The following KLHL12 variants were observed in gnomAD, a reference collection of about 807,000 sequenced individuals.
The protein encoded by KLHL12 is kelch like family member 12.
A neutral mutation model predicts 60.8 loss-of-function variants in KLHL12; 17 were observed. The observed-to-expected ratio is 0.28, with a 90% confidence interval of 0.19 to 0.42. The LOEUF is 0.42. Among genes scored for constraint, KLHL12 ranks in the 10% least tolerant of loss-of-function variants. The pLI, the probability that KLHL12 is intolerant of heterozygous loss-of-function variation, is 1.00. For missense variants in KLHL12, 468 were observed against 722.3 expected (o/e 0.65, Z 4.04); for synonymous variants, 220 against 250.9 (o/e 0.88, Z 1.16).
chr1:202,924,037 A>AT (rs1653380978), intron 2 of KLHL12, among the ~76,000 whole-genome samples: 1 of 152,208 alleles, frequency 6.6e-6, no homozygotes, highest in African/African-American at 2.4e-5. Context: ...ATCTGCTCTT[A>AT]AAATGAGACT....
intron 6 of KLHL12, among the ~76,000 whole-genome samples, chr1:202,904,693 AT>A (rs1289100661): frequency 1.3e-5 from 2 of 152,182 alleles, no homozygotes; most frequent in African/African-American, 4.8e-5. Context: ...TGGCAGTGGC[AT>A]GGTCATTATT....
intron 2 of KLHL12, among the ~76,000 whole-genome samples, chr1:202,920,600 T>C (rs1660664016): frequency 6.6e-6 from 1 of 151,796 alleles, no homozygotes; most frequent in Non-Finnish European, 1.5e-5. Flanking sequence ...ATGGTCTCGA[T>C]CTCCTCACCT....
chr1:202,914,307 G>A (rs1040750508), intron 4 of KLHL12, among the ~76,000 whole-genome samples: 2 of 152,178 alleles, frequency 1.3e-5, no homozygotes, highest in Non-Finnish European at 2.9e-5. Flanking sequence ...AAAAGGTGAC[G>A]GTGCTTACTG....
intron 6 of KLHL12, among the ~76,000 whole-genome samples, chr1:202,908,449 G>T (rs773671503): frequency 6.6e-6 from 1 of 152,152 alleles, no homozygotes; most frequent in Non-Finnish European, 1.5e-5. Flanking sequence ...CAGGTGCTAC[G>T]ATGATTCCAT....
chr1:202,921,710 A>G (rs1325791862), intron 2 of KLHL12, among the ~76,000 whole-genome samples: 2 of 152,240 alleles, frequency 1.3e-5, no homozygotes, highest in Non-Finnish European at 2.9e-5. Context: ...AAGAGAAGAA[A>G]TCTTCAATTT....
chr1:202,916,274 A>G (rs559054871), intron 4 of KLHL12, among the ~76,000 whole-genome samples: 35 of 152,372 alleles, frequency 2.3e-4, no homozygotes, highest in African/African-American at 8.2e-4. Context: ...GTTGGAACCA[A>G]TGTGACCAAT....
At chr1:202,918,429 A>G in intron 3 of KLHL12, 41 bp from the exon 4 acceptor site, 1 of 1,467,960 alleles carries the variant, frequency 6.8e-7, no homozygotes, top group Non-Finnish European at 9.5e-7. Flanking sequence ...GAATAGTTGG[A>G]CAGGTGTGAT....
chr1:202,895,492 G>C lies in KLHL12; in HGVS notation c.1135+30C>G. ...AACCCTGGTCCAGCCACAGTAAGAT[G>C]GAAATAATTGCCCTGCACATCCAGC... On this transcript the variant is annotated intron_variant, in intron 8 of 11. Transcript: ENST00000367261. This position sits in a 1 kb window ranked among gnomAD's most constrained non-coding sequence, Gnocchi z 4.2. 6.3e-7 allele frequency: 1 copy of C among 1,594,336 alleles called. No homozygotes were observed. The highest frequency in any genetic ancestry group is 8.6e-7 in the Non-Finnish European group (1 of 1,168,204).
intron 6 of KLHL12, among the ~76,000 whole-genome samples, chr1:202,899,940 G>A (rs1571518634): frequency 6.6e-6 from 1 of 152,012 alleles, no homozygotes. Context: ...GTTGGGAGAA[G>A]CTAGGACCAC....
intron 6 of KLHL12, among the ~76,000 whole-genome samples, chr1:202,901,562 AAAG>A (rs1487034850): frequency 6.6e-6 from 1 of 151,934 alleles, no homozygotes; most frequent in Admixed American, 6.6e-5. Flanking sequence ...TCGGCCTCCC[AAAG>A]TGCTGGGATT....
chr1:202,892,491 C>G lies in KLHL12; in HGVS notation c.*42G>C, dbSNP rs1476988686. ...ATTTTTGATTCTCCCACTAACTGTCCACTGGACTGGTCACTAGCTCTGGAT... is the reference window on the plus strand; with the variant it reads ...ATTTTTGATTCTCCCACTAACTGTCGACTGGACTGGTCACTAGCTCTGGAT... On this transcript the variant is annotated 3_prime_UTR_variant, in exon 12 of 12. Transcript: ENST00000367261. 6.2e-7 allele frequency: 1 copy of G among 1,605,392 alleles called. No homozygotes were observed. The highest frequency in any genetic ancestry group is 8.5e-7 in the Non-Finnish European group (1 of 1,174,394).
intron 6 of KLHL12, among the ~76,000 whole-genome samples, chr1:202,901,079 G>C (rs1367215631): frequency 6.6e-6 from 1 of 152,094 alleles, no homozygotes; most frequent in Non-Finnish European, 1.5e-5. Context: ...TCTCTTTCTT[G>C]ATATGATTTC....
intron 6 of KLHL12, among the ~76,000 whole-genome samples, chr1:202,902,983 C>T (rs185971663): frequency 9.2e-5 from 14 of 151,524 alleles, no homozygotes; most frequent in Admixed American, 8.6e-4. Flanking sequence ...CACAGTGAGA[C>T]CTTGTATCAA....
intron 4 of KLHL12, among the ~76,000 whole-genome samples, chr1:202,917,658 ATTCTTCT>A (rs986425932): frequency 1.3e-5 from 2 of 152,152 alleles, no homozygotes; most frequent in African/African-American, 4.8e-5. Flanking sequence ...GCAAAGGTTT[ATTCTTCT>A]TTCTTCTATG....
chr1:202,892,777 T>C (rs1659717357), intron 11 of KLHL12, 118 bp from the exon 12 acceptor site: 7 of 1,027,334 alleles, frequency 6.8e-6, no homozygotes, highest in South Asian at 1.6e-5. Context: ...AGGAGGGAAT[T>C]TGAGACCAGC....
At chr1:202,905,863 G>A (rs1368811325) in intron 6 of KLHL12, among the ~76,000 whole-genome samples, 1 of 151,480 alleles carries the variant, frequency 6.6e-6, no homozygotes, top group Admixed American at 6.6e-5. Context: ...GGAGTGCAGT[G>A]GCGTGATCTC....
At chr1:202,928,421 G>A (rs1653727688), upstream of KLHL12, 3 of 1,038,950 alleles carry the variant, frequency 2.9e-6, no homozygotes, top group Admixed American at 7.0e-5. Context: ...AGGCAGGGCA[G>A]GCAGAGAGAA....
chr1:202,927,079 C>T lies in KLHL12; in HGVS notation c.-46+10G>A, dbSNP rs1653606418. The T allele has an allele frequency of 1.0e-6, 1 of 985,520 alleles. No individual in the cohort carries two copies. Among genetic ancestry groups the T allele is most frequent in the Non-Finnish European group, 1.2e-6 (1 of 830,028 alleles). 61.0% of individuals were successfully genotyped at this position (985,520 alleles called of 1,614,324 possible). ...GAAGGGCTGACTGCCATCACTTCCG[C>T]GCAACTCACCTCCGCTCCCGAACCC... is the stretch of plus-strand genomic sequence containing the variant. On this transcript the variant is annotated intron_variant, in intron 1 of 11. Transcript: ENST00000367261.
intron 1 of KLHL12, among the ~76,000 whole-genome samples, chr1:202,925,966 G>A (rs1571548361): frequency 6.6e-6 from 1 of 151,912 alleles, no homozygotes; most frequent in African/African-American, 2.4e-5. Flanking sequence ...ATAGCCAGGC[G>A]TGGTGATGCG....
Sources: allele counts gnomAD v4.1 joint callset (sites outside exome capture counted in the v4.1 genomes callset), GRCh38; gene constraint gnomAD v4.1.1; non-coding constraint Gnocchi (gnomAD v3.1); transcripts MANE v1.5; gene names NCBI Gene and HGNC (gene_info 2026-07-23, HGNC 2026-07-21).